NRXN3: variants seen among roughly 807,000 people sequenced by gnomAD.
NRXN3 encodes neurexin 3.
Under a neutral mutation model 137.6 loss-of-function variants are expected in NRXN3, and 32 were observed. The observed-to-expected ratio is 0.23, with a 90% CI of 0.18 to 0.31. The LOEUF (loss-of-function observed/expected upper bound fraction) is 0.31, where lower values mean the gene tolerates loss of function less well. NRXN3 is among the 10% of genes least tolerant of loss of function. NRXN3 has a pLI of 1.00. For synonymous variants in NRXN3, 798 were observed against 784.5 expected (o/e 1.02, Z -0.29); for missense variants, 1,574 against 2,062.5 (o/e 0.76, Z 4.59).
intron 4 of NRXN3, among the ~76,000 whole-genome samples, chr14:78,380,970 G>A (rs180802526): frequency 2.0e-5 from 3 of 152,190 alleles, no homozygotes; most frequent in South Asian, 2.1e-4. Context: ...TAGACACACC[G>A]ATGAACAGAA....
intron 10 of NRXN3, among the ~76,000 whole-genome samples, chr14:78,863,196 A>G (rs1000044338): frequency 6.6e-6 from 1 of 152,160 alleles, no homozygotes; most frequent in African/African-American, 2.4e-5. Flanking sequence ...AAGAAAATCA[A>G]CTGATTTACT....
intron 10 of NRXN3, among the ~76,000 whole-genome samples, chr14:78,868,456 G>A (rs2099092917): frequency 6.6e-6 from 1 of 152,064 alleles, no homozygotes; most frequent in South Asian, 2.1e-4. Flanking sequence ...AATTGTGAAA[G>A]TACAGCCAAA....
intron 4 of NRXN3, among the ~76,000 whole-genome samples, chr14:78,426,305 T>C (rs1457653675): frequency 2.0e-5 from 3 of 152,174 alleles, no homozygotes; most frequent in Non-Finnish European, 2.9e-5. Context: ...CATTGGCTTC[T>C]TCCAGGGGCA....
intron 19 of NRXN3, among the ~76,000 whole-genome samples, chr14:79,725,807 G>T (rs2098883892): frequency 6.6e-6 from 1 of 152,128 alleles, no homozygotes; most frequent in African/African-American, 2.4e-5. Context: ...TTATAAAATT[G>T]TAACTCTACA....
chr14:79,014,493 C>T (rs1217586256), intron 15 of NRXN3, among the ~76,000 whole-genome samples: 1 of 152,084 alleles, frequency 6.6e-6, no homozygotes, highest in African/African-American at 2.4e-5. Context: ...TTTTCTTTAT[C>T]CAGTCTACTA....
At chr14:78,206,626 GC>G (rs2153404630) in intron 1 of NRXN3, among the ~76,000 whole-genome samples, 1 of 152,158 alleles carries the variant, frequency 6.6e-6, no homozygotes, top group East Asian at 1.9e-4. Context: ...TGGTAGGGCA[GC>G]TGGCAGGACT....
chr14:79,269,802 A>G (rs1367919242), intron 15 of NRXN3, among the ~76,000 whole-genome samples: 1 of 152,168 alleles, frequency 6.6e-6, no homozygotes. Context: ...TAGTGGAGAA[A>G]AAAAAATGTT....
chr14:78,734,466 A>G (rs2152910812), intron 8 of NRXN3, among the ~76,000 whole-genome samples: 1 of 152,334 alleles, frequency 6.6e-6, no homozygotes, highest in East Asian at 1.9e-4. Flanking sequence ...TAACTGCCAG[A>G]TACCATGCTA....
At chr14:78,734,621 G>A (rs937878826) in intron 8 of NRXN3, among the ~76,000 whole-genome samples, 2 of 152,156 alleles carry the variant, frequency 1.3e-5, no homozygotes, top group African/African-American at 4.8e-5. Flanking sequence ...GAAGTATGGA[G>A]AGCCAGCCCT....
intron 6 of NRXN3, among the ~76,000 whole-genome samples, chr14:78,696,898 A>G (rs1444358497): frequency 6.6e-6 from 1 of 152,066 alleles, no homozygotes; most frequent in Non-Finnish European, 1.5e-5. Context: ...CACTGTCACC[A>G]TCACCCACAT....
intron 15 of NRXN3, among the ~76,000 whole-genome samples, chr14:79,373,535 C>G (rs995959481): frequency 1.1e-4 from 16 of 152,156 alleles, no homozygotes. Context: ...TTTACTGTTT[C>G]ATTTCTATTT....
intron 15 of NRXN3, among the ~76,000 whole-genome samples, chr14:79,370,148 A>G (rs931452365): frequency 1.3e-5 from 2 of 152,172 alleles, no homozygotes; most frequent in Non-Finnish European, 2.9e-5. Context: ...TTAGTAAGGA[A>G]GAACAGCCCC....
chr14:79,714,605 T>C (rs1225843952), intron 19 of NRXN3, among the ~76,000 whole-genome samples: 1 of 152,208 alleles, frequency 6.6e-6, no homozygotes, highest in Non-Finnish European at 1.5e-5. Context: ...GACTACCTAT[T>C]TTTATGTTGC....
intron 4 of NRXN3, among the ~76,000 whole-genome samples, chr14:78,624,809 TTG>T (rs56948487): frequency 0.032 from 4,717 of 149,206 alleles, 95 homozygotes; most frequent in Middle Eastern, 0.056. Context: ...TCCTGTTCCT[TTG>T]TGTGTGTGTG....
intron 1 of NRXN3, chr14:78,231,505 G>A (rs1416808979): frequency 6.6e-6 from 1 of 152,238 alleles, no homozygotes; most frequent in African/African-American, 2.4e-5. Context: ...TGGATGATGA[G>A]CTTCTTAATG....
chr14:79,862,819 TTTACCACCC>T lies in NRXN3; in HGVS notation c.*856_*864del, dbSNP rs2099415589. On this transcript the variant is annotated 3_prime_UTR_variant, in exon 21 of 21. Coordinates refer to ENST00000335750, the MANE Select transcript of NRXN3 (RefSeq NM_001330195.2). ...GGTCCCCCAGGATCTAATTTCAGAA[TTTACCACCC>T]AAACCCGGAACAGATGGGTTTAGGG... The T allele has an allele frequency of 1.3e-5, 2 of 152,560 alleles. No individual in the cohort carries two copies. The highest frequency in any genetic ancestry group is 4.8e-5 in the African/African-American group (2 of 41,428). 9.5% of individuals were successfully genotyped at this position (152,560 alleles called of 1,614,324 possible). A position where few individuals can be genotyped will look rare whatever the true frequency, so the allele number is the denominator to read the frequency against.
At chr14:78,881,263 T>C (rs953990118) in intron 10 of NRXN3, among the ~76,000 whole-genome samples, 9 of 151,676 alleles carry the variant, frequency 5.9e-5, no homozygotes, top group African/African-American at 2.2e-4. Flanking sequence ...CACCAGGTAG[T>C]GGGATACTGC....
intron 15 of NRXN3, among the ~76,000 whole-genome samples, chr14:79,288,060 G>A (rs2082573652): frequency 6.6e-6 from 1 of 152,320 alleles, no homozygotes; most frequent in African/African-American, 2.4e-5. Context: ...AAACCTATCT[G>A]AGTTCCACAA....
At chr14:78,315,133 TCCTGAGTA>T (rs2078550000) in intron 4 of NRXN3, among the ~76,000 whole-genome samples, 1 of 151,836 alleles carries the variant, frequency 6.6e-6, no homozygotes, top group Non-Finnish European at 1.5e-5. Flanking sequence ...TGCCTCAGCC[TCCTGAGTA>T]CCTGGGATTA....
Sources: gnomAD v4.1 joint callset for allele counts (sites outside exome capture counted in the v4.1 genomes callset) on GRCh38, gnomAD v4.1.1 for gene constraint, MANE v1.5 for transcripts, NCBI Gene and HGNC (gene_info 2026-07-23, HGNC 2026-07-21) for gene names.